SNTA1: variants seen among roughly 807,000 people sequenced by gnomAD.
SNTA1 encodes syntrophin alpha 1.
In SNTA1, 31 loss-of-function variants were observed where a neutral mutation model predicts 47.1. That is an observed-to-expected ratio of 0.66 (90% confidence interval 0.49 to 0.89). SNTA1 has a LOEUF of 0.89. Among genes scored for constraint, SNTA1 ranks in the 40% least tolerant of loss-of-function variants. SNTA1 has a pLI of 0.00. For synonymous variants in SNTA1, 300 were observed against 313.6 expected, an observed-to-expected ratio of 0.96 and a Z score of 0.46; for missense variants, 575 against 693.0, an observed-to-expected ratio of 0.83 and a Z score of 1.91.
At chr20:33,414,421 C>A (rs1216408445) in intron 3 of SNTA1, among the ~76,000 whole-genome samples, 1 of 151,748 alleles carries the variant, frequency 6.6e-6, no homozygotes, top group African/African-American at 2.4e-5. Flanking sequence ...GGCAAAACCC[C>A]ATCTCCTCTA....
At chr20:33,420,855 G>T (rs1990000702) in intron 2 of SNTA1, among the ~76,000 whole-genome samples, 1 of 151,802 alleles carries the variant, frequency 6.6e-6, no homozygotes, top group Admixed American at 6.6e-5. Flanking sequence ...GTGGTCGTGG[G>T]CACCTGTAAT....
chr20:33,439,724 C>T (rs1442851421), intron 1 of SNTA1, among the ~76,000 whole-genome samples: 2 of 152,218 alleles, frequency 1.3e-5, no homozygotes, highest in Non-Finnish European at 2.9e-5. Flanking sequence ...GTGGCTCACA[C>T]CTGTAATCCC....
intron 2 of SNTA1, 39 bp downstream of exon 2, chr20:33,438,802 C>T: frequency 6.4e-7 from 1 of 1,563,156 alleles, no homozygotes; most frequent in Non-Finnish European, 8.8e-7. Flanking sequence ...TGGAACACCT[C>T]CACCCAGCCC....
chr20:33,443,480 G>A lies in SNTA1; in HGVS notation c.141C>T (p.Gly47=), dbSNP rs1555822165. Residue 47 remains glycine (G), a synonymous_variant, in exon 1 of 8, where the codon GGC becomes GGT. Transcript: ENST00000217381. ...EDVLTVSPAD[G]DPGPEPGAPR... ...GAGCGCCGGGCTCGGGACCAGGGTC[G>A]CCGTCGGCGGGGCTCACGGTCAGCA... The A allele has an allele frequency of 7.3e-7, 1 of 1,377,844 alleles. No individual in the cohort carries two copies. The allele number at this position is 1,377,844 out of a possible 1,614,324, so 85.4% of individuals were successfully genotyped here.
intron 1 of SNTA1, among the ~76,000 whole-genome samples, chr20:33,440,541 G>A (rs1241655629): frequency 6.6e-6 from 1 of 152,212 alleles, no homozygotes; most frequent in Non-Finnish European, 1.5e-5. Context: ...AGCTACTCAG[G>A]AGGCTGAGGC....
chr20:33,412,236 CCTGCTGGAGCAT>C (rs1317792139), intron 5 of SNTA1, 48 bp downstream of exon 5: 40 of 1,565,044 alleles, frequency 2.6e-5, no homozygotes, highest in Non-Finnish European at 3.5e-5. Context: ...CTTCTGGGGC[CCTGCTGGAGCAT>C]CTCCTGGCAA....
intron 1 of SNTA1, among the ~76,000 whole-genome samples, 167 bp from the exon 2 acceptor site, chr20:33,439,193 A>T (rs949520947): frequency 8.5e-5 from 13 of 152,198 alleles, no homozygotes; most frequent in African/African-American, 3.1e-4. Context: ...AGTTTGGGAC[A>T]CTAGTAACAC....
At chr20:33,410,541 T>C (rs1054540902) in intron 5 of SNTA1, among the ~76,000 whole-genome samples, 3 of 152,182 alleles carry the variant, frequency 2.0e-5, no homozygotes, top group African/African-American at 7.2e-5. Flanking sequence ...ACTGGTGTCA[T>C]CACACACACC....
chr20:33,437,698 C>A (rs111327669), intron 2 of SNTA1, among the ~76,000 whole-genome samples: 27 of 152,312 alleles, frequency 1.8e-4, no homozygotes, highest in African/African-American at 6.3e-4. Context: ...CCGCCACCTC[C>A]CTGTGCCTGT....
intron 3 of SNTA1, among the ~76,000 whole-genome samples, chr20:33,415,956 A>G (rs1450822407): frequency 2.0e-5 from 3 of 151,988 alleles, no homozygotes; most frequent in East Asian, 3.9e-4. Context: ...TAAAAATACA[A>G]AATTAGCTGG....
chr20:33,417,478 G>A (rs1989903801), intron 3 of SNTA1, among the ~76,000 whole-genome samples: 1 of 152,136 alleles, frequency 6.6e-6, no homozygotes, highest in African/African-American at 2.4e-5. Flanking sequence ...TGGAACGCAG[G>A]GTTCTTCCTC....
At chr20:33,412,921 T>G in intron 3 of SNTA1, 139 bp from the exon 4 acceptor site, 1 of 690,930 alleles carries the variant, frequency 1.4e-6, no homozygotes, top group East Asian at 2.7e-5. Flanking sequence ...CAACCCTCAC[T>G]GCTGGGCTCC....
chr20:33,424,253 G>T (rs954760410), intron 2 of SNTA1, among the ~76,000 whole-genome samples: 2 of 150,514 alleles, frequency 1.3e-5, no homozygotes, highest in African/African-American at 4.9e-5. Flanking sequence ...GGCAGAGGTT[G>T]CAGTGAGCCA....
At position 33,408,110 on chromosome 20, in the gene SNTA1, G is replaced by A. The variant is rs1364311458; in HGVS notation, c.*397C>T. On this transcript the variant is annotated 3_prime_UTR_variant, in exon 8 of 8. Coordinates refer to ENST00000217381, the MANE Select transcript of SNTA1 (RefSeq NM_003098.3). ...ATCTCCTCTTCTTTCTCTTGCTGCT[G>A]ACCCCAGGGTACTCCAGCTTCAGAT... is the stretch of plus-strand genomic sequence containing the variant. The A allele has an allele frequency of 4.0e-6, 1 of 249,358 alleles. No individual in the cohort carries two copies. Among genetic ancestry groups the A allele is most frequent in the Non-Finnish European group, 8.0e-6 (1 of 124,986 alleles). 15.4% of individuals were successfully genotyped at this position (249,358 alleles called of 1,614,324 possible).
chr20:33,431,557 G>A (rs774091055), intron 2 of SNTA1, among the ~76,000 whole-genome samples: 8 of 151,880 alleles, frequency 5.3e-5, no homozygotes, highest in Non-Finnish European at 1.0e-4. Flanking sequence ...AGACCAGCCT[G>A]GCCAACATGG....
At chr20:33,418,649 C>T (rs1336202999) in intron 2 of SNTA1, among the ~76,000 whole-genome samples, 3 of 151,542 alleles carry the variant, frequency 2.0e-5, no homozygotes, top group Non-Finnish European at 2.9e-5. Flanking sequence ...AAAAGCTAGC[C>T]GGGCGTGGTG....
At chr20:33,442,966 C>T (rs1270596657) in intron 1 of SNTA1, among the ~76,000 whole-genome samples, 1 of 152,010 alleles carries the variant, frequency 6.6e-6, no homozygotes, top group Non-Finnish European at 1.5e-5. Context: ...GGCCTCAACC[C>T]CCTTTCTCCA....
At chr20:33,432,490 C>G (rs1990334552) in intron 2 of SNTA1, among the ~76,000 whole-genome samples, 1 of 152,200 alleles carries the variant, frequency 6.6e-6, no homozygotes, top group African/African-American at 2.4e-5. Context: ...TCACCAAGAT[C>G]TAATGTATGT....
At chr20:33,429,250 T>C (rs751178145) in intron 2 of SNTA1, among the ~76,000 whole-genome samples, 1 of 140,098 alleles carries the variant, frequency 7.1e-6, no homozygotes, top group African/African-American at 2.7e-5. Flanking sequence ...GGTAGGAGAA[T>C]TGCTTGAACC....
Sources: allele counts gnomAD v4.1 joint callset (sites outside exome capture counted in the v4.1 genomes callset), GRCh38; gene constraint gnomAD v4.1.1; transcripts MANE v1.5; gene names NCBI Gene and HGNC (gene_info 2026-07-23, HGNC 2026-07-21).